Variants in DAZAP2 observed in about 807,000 individuals in gnomAD.
DAZAP2 encodes DAZ associated protein 2.
In DAZAP2, 3 loss-of-function variants were observed where a neutral mutation model predicts 16.2. The ratio of observed to expected loss-of-function variants is 0.19; its 90% CI spans 0.08 to 0.48. DAZAP2 has a LOEUF of 0.48. DAZAP2 is among the 20% of genes least tolerant of loss of function. The probability of loss-of-function intolerance (pLI) is 0.98; values close to 1 mark genes in which losing one functional copy is unlikely to be tolerated. For synonymous variants in DAZAP2, 69 were observed against 77.6 expected (o/e 0.89, Z 0.58); for missense variants, 172 against 215.9 (o/e 0.80, Z 1.27).
rs577274411 is a variant in DAZAP2, at chr12:51,238,841, C to A, written c.-67C>A. 1.6e-5 allele frequency: 25 copies of A among 1,611,058 alleles called. No individual in the cohort carries two copies. Among genetic ancestry groups the A allele is most frequent in the Non-Finnish European group, 2.0e-5 (23 of 1,179,466 alleles). On this transcript the variant is annotated 5_prime_UTR_variant, in exon 1 of 4. Transcript: ENST00000412716. ...ACCATCATGTGACACGGAAGTAGCT[C>A]CGAACAGGAAGAGGACGAAAAAAAT...
At chr12:51,244,187 T>C (rs1198371128), downstream of DAZAP2, among the ~76,000 whole-genome samples, 3 of 152,208 alleles carry the variant, frequency 2.0e-5, no homozygotes, top group Non-Finnish European at 2.9e-5. Context: ...GTTGCCAAGA[T>C]AGATTCCTCA....
intron 1 of DAZAP2, chr12:51,239,978 A>G (rs761292162): frequency 3.5e-5 from 8 of 229,360 alleles, no homozygotes; most frequent in Non-Finnish European, 5.2e-5. Context: ...CTGGTTGTAG[A>G]CAGGCTGTGG....
downstream of DAZAP2, chr12:51,243,936 CTT>C (rs567023403): frequency 1.9e-3 from 1,890 of 983,156 alleles, 1 homozygote; most frequent in Non-Finnish European, 2.2e-3. Flanking sequence ...AAGCCTAAGA[CTT>C]GATCATTTCA....
intron 1 of DAZAP2, 101 bp from the exon 2 acceptor site, chr12:51,240,242 C>A: frequency 1.2e-6 from 1 of 849,710 alleles, no homozygotes; most frequent in Admixed American, 1.8e-5. Context: ...ATTTGCAAAT[C>A]CCCTTCTGCT....
intron 2 of DAZAP2, 73 bp downstream of exon 2, chr12:51,240,534 T>A: frequency 7.8e-7 from 1 of 1,273,924 alleles, no homozygotes; most frequent in Non-Finnish European, 1.1e-6. Flanking sequence ...TAGCTAAATC[T>A]GACTTCACAT....
chr12:51,242,445 A>G lies in DAZAP2; in HGVS notation c.494A>G (p.Tyr165Cys), dbSNP rs765212285. 1 of 1,614,160 alleles carries G rather than the reference A, an allele frequency of 6.2e-7. No individual in the cohort carries two copies. The highest frequency in any genetic ancestry group is 1.7e-5 in the Admixed American group (1 of 60,014). Reference sequence around the variant, plus strand: ...TTCATGGGTGGTTCAGATGGTGGCTACACCATCTGGTGAGGAACCAAGGCC... The same window carrying G: ...TTCATGGGTGGTTCAGATGGTGGCTGCACCATCTGGTGAGGAACCAAGGCC... ...NFFMGGSDGG[Y>C]TIW The change falls in exon 4 of 4, where the codon TAC becomes TGC. Residue 165 changes from tyrosine to cysteine, a missense_variant. Tyr to Cys is a radical substitution (Grantham distance 194). Coordinates refer to ENST00000412716, the MANE Select transcript of DAZAP2 (RefSeq NM_014764.4).
downstream of DAZAP2, chr12:51,245,209 G>A (rs1157022274): frequency 6.6e-6 from 1 of 152,056 alleles, no homozygotes; most frequent in East Asian, 1.9e-4. Flanking sequence ...AGATAGTTCT[G>A]CAAACTTCTA....
chr12:51,239,074 C>A (rs1403632263), intron 1 of DAZAP2, 154 bp downstream of exon 1: 1 of 1,070,098 alleles, frequency 9.3e-7, no homozygotes, highest in Non-Finnish European at 1.3e-6. Flanking sequence ...CTGACGCCTT[C>A]GTCATACCCA....
At chr12:51,242,280 C>T (rs747921155) in intron 3 of DAZAP2, 50 bp from the exon 4 acceptor site, 9 of 1,526,934 alleles carry the variant, frequency 5.9e-6, no homozygotes, top group East Asian at 2.3e-5. Context: ...ATGTCCCCTT[C>T]GCTTATATTA....
At chr12:51,239,703 C>T (rs1944633533) in intron 1 of DAZAP2, 1 of 152,492 alleles carries the variant, frequency 6.6e-6, no homozygotes, top group Non-Finnish European at 1.5e-5. Flanking sequence ...TTGCTTGAAC[C>T]CAGGAGACGG....
At chr12:51,240,207 G>A in intron 1 of DAZAP2, 136 bp from the exon 2 acceptor site, 1 of 704,774 alleles carries the variant, frequency 1.4e-6, no homozygotes, top group South Asian at 1.6e-5. Context: ...CTTAGTTCCA[G>A]GAATCAGGCC....
rs777491461 is a variant in DAZAP2 at position 51,240,899 on chromosome 12, G to C, written c.161G>C (p.Gly54Ala). The C allele has an allele frequency of 1.7e-5, 27 of 1,613,876 alleles. No homozygotes were observed. The Admixed American group carries it at 4.2e-4, about 25-fold the overall frequency. Residue 54 changes from glycine to alanine, a missense_variant, in exon 3 of 4, where the codon GGG (glycine) becomes GCG (alanine). Gly to Ala is a moderately conservative substitution (Grantham distance 60). Transcript: ENST00000412716. Reference sequence around the variant, plus strand: ...TATCGTCCGAGCTTTGTGCACCCAGGGGCTGCCACAGTCCCCACCATGTCA... The same window carrying C: ...TATCGTCCGAGCTTTGTGCACCCAGCGGCTGCCACAGTCCCCACCATGTCA... ...ELYRPSFVHPGAATVPTMSAA... is the reference protein window; with the variant it reads ...ELYRPSFVHPAAATVPTMSAA...
chr12:51,244,573 A>G (rs1592229380), downstream of DAZAP2: 1 of 152,240 alleles, frequency 6.6e-6, no homozygotes, highest in Non-Finnish European at 1.5e-5. Flanking sequence ...ACTTCAAAGG[A>G]GATCTAGCTT....
chr12:51,241,928 A>AT (rs201540459), intron 3 of DAZAP2, among the ~76,000 whole-genome samples: 1,753 of 151,200 alleles, frequency 0.012, 23 homozygotes, highest in African/African-American at 0.041. Context: ...TCTCAAAAAA[A>AT]TTAAAAAAAA....
chr12:51,243,358 A>AGG lies in DAZAP2; in HGVS notation c.*900_*901insGG. 1.0e-6 allele frequency: 1 copy of AGG among 985,738 alleles called. No homozygotes were observed. The highest frequency in any genetic ancestry group is 1.2e-6 in the Non-Finnish European group (1 of 829,924). 61.1% of individuals were successfully genotyped at this position (985,738 alleles called of 1,614,324 possible). On this transcript the variant is annotated 3_prime_UTR_variant, in exon 4 of 4. Coordinates refer to ENST00000412716, the MANE Select transcript of DAZAP2 (RefSeq NM_014764.4). ...AGCTTGATTGATGTGTTCAGAGCTA[A>AGG]ATTAAGAGGAGTTTTCAGATCAAAA...
chr12:51,245,857 G>A, downstream of DAZAP2: 1 of 1,467,794 alleles, frequency 6.8e-7, no homozygotes, highest in Non-Finnish European at 9.2e-7. Context: ...GCTTCTCCCT[G>A]GCTTCAGAGA....
chr12:51,239,641 G>C (rs1592225532), intron 1 of DAZAP2: 1 of 152,356 alleles, frequency 6.6e-6, no homozygotes, highest in East Asian at 1.9e-4. Context: ...TCAGCTGGGC[G>C]TGGTGGCGGG....
At chr12:51,244,360 T>C (rs1384421172), downstream of DAZAP2, among the ~76,000 whole-genome samples, 1 of 152,130 alleles carries the variant, frequency 6.6e-6, no homozygotes, top group Non-Finnish European at 1.5e-5. Flanking sequence ...CAACACCTGG[T>C]TCATTTCTGT....
chr12:51,238,876 C>T lies in DAZAP2; in HGVS notation c.-32C>T, dbSNP rs748379442. 3 of 1,612,966 alleles carry T rather than the reference C, an allele frequency of 1.9e-6. No homozygotes were observed. The highest frequency in any genetic ancestry group is 2.5e-6 in the Non-Finnish European group (3 of 1,179,842). On this transcript the variant is annotated 5_prime_UTR_variant, in exon 1 of 4. Coordinates refer to ENST00000412716, the MANE Select transcript of DAZAP2 (RefSeq NM_014764.4). The stretch of plus-strand genomic sequence containing the variant: ...AGAGGACGAAAAAAATAACCGTCCG[C>T]GACGCCGAGACAAACCGGACCCGCA...
Sources: gnomAD v4.1 joint callset for allele counts (sites outside exome capture counted in the v4.1 genomes callset) on GRCh38, gnomAD v4.1.1 for gene constraint, MANE v1.5 for transcripts, NCBI Gene and HGNC (gene_info 2026-07-23, HGNC 2026-07-21) for gene names.